KIF6: variants seen among roughly 807,000 people sequenced by gnomAD.
KIF6 encodes kinesin family member 6.
KIF6 carries 106 observed loss-of-function variants against 112.7 expected under a neutral mutation model. That is an observed-to-expected ratio of 0.94 (90% CI 0.80 to 1.11). The LOEUF (loss-of-function observed/expected upper bound fraction) is 1.11. Among genes scored for constraint, KIF6 ranks in the 50% least tolerant of loss-of-function variants. The pLI, the probability that KIF6 is intolerant of heterozygous loss-of-function variation, is 0.00. For synonymous variants in KIF6, 339 were observed against 339.9 expected, an observed-to-expected ratio of 1.00 and a Z score of 0.03; for missense variants, 929 against 964.0, an observed-to-expected ratio of 0.96 and a Z score of 0.48.
At chr6:39,536,115 A>G (rs1193097578) in intron 13 of KIF6, among the ~76,000 whole-genome samples, 1 of 151,432 alleles carries the variant, frequency 6.6e-6, no homozygotes, top group Non-Finnish European at 1.5e-5. Flanking sequence ...AAAGCAGGAA[A>G]GATCCAAAAT....
intron 3 of KIF6, among the ~76,000 whole-genome samples, chr6:39,647,657 G>A (rs975873189): frequency 7.2e-5 from 11 of 151,944 alleles, no homozygotes; most frequent in African/African-American, 2.7e-4. Context: ...TCAGATGGGT[G>A]AAGGATTATG....
chr6:39,394,299 C>T (rs944801549), intron 15 of KIF6, among the ~76,000 whole-genome samples: 1 of 152,212 alleles, frequency 6.6e-6, no homozygotes, highest in Non-Finnish European at 1.5e-5. Flanking sequence ...ACCCACTGCA[C>T]TTCCTTGATA....
rs376515913 is a variant in KIF6, at chr6:39,560,920, T to A, written c.1182-15232A>T. On this transcript the variant is annotated intron_variant, in intron 10 of 22. Transcript: ENST00000287152. ...TAAAATTTTGTGCTTTGTACTAACC[T>A]GAGCAGTAGCAAACAGGAGTAGAAA... Among the ~76,000 whole-genome samples the A allele has an allele frequency of 1.8e-4, 27 of 152,376 alleles. No homozygotes were observed. The South Asian group carries it at 5.6e-3, about 32-fold the overall frequency.
intron 15 of KIF6, among the ~76,000 whole-genome samples, chr6:39,399,336 A>C (rs1457785010): frequency 2.6e-5 from 4 of 152,144 alleles, no homozygotes; most frequent in African/African-American, 9.7e-5. Context: ...CTCACATGTG[A>C]ATGGAGACTT....
chr6:39,361,759 A>G (rs1000445612), intron 17 of KIF6, among the ~76,000 whole-genome samples: 20 of 144,440 alleles, frequency 1.4e-4, no homozygotes, highest in Admixed American at 5.8e-4. Flanking sequence ...TGGGGCTTTG[A>G]TCTCCTGGGT....
intron 5 of KIF6, among the ~76,000 whole-genome samples, chr6:39,619,865 A>G (rs1200239802): frequency 6.6e-6 from 1 of 152,200 alleles, no homozygotes; most frequent in African/African-American, 2.4e-5. Flanking sequence ...TTTCAAAATA[A>G]TACCCAAATA....
At chr6:39,640,366 TCTC>T (rs1385192981) in intron 3 of KIF6, among the ~76,000 whole-genome samples, 1 of 152,104 alleles carries the variant, frequency 6.6e-6, no homozygotes, top group Non-Finnish European at 1.5e-5. Context: ...GGCTGGATCT[TCTC>T]AGCCTTTGAA....
chr6:39,639,901 A>T, intron 3 of KIF6, 144 bp from the exon 4 acceptor site: 1 of 634,088 alleles, frequency 1.6e-6, no homozygotes, highest in Non-Finnish European at 2.6e-6. Context: ...ATATGTGAAT[A>T]TCTAGCTAGA....
At chr6:39,433,657 G>C (rs1404814432) in intron 13 of KIF6, among the ~76,000 whole-genome samples, 1 of 152,200 alleles carries the variant, frequency 6.6e-6, no homozygotes, top group Non-Finnish European at 1.5e-5. Context: ...CTTGTCAGCT[G>C]TTTTCCCAAA....
chr6:39,386,113 G>C (rs933323132), intron 15 of KIF6, among the ~76,000 whole-genome samples: 5 of 152,198 alleles, frequency 3.3e-5, no homozygotes, highest in African/African-American at 1.2e-4. Flanking sequence ...GGTTTTAACT[G>C]ACAATAACCC....
chr6:39,453,712 A>G (rs1772849107), intron 13 of KIF6, among the ~76,000 whole-genome samples: 1 of 152,266 alleles, frequency 6.6e-6, no homozygotes, highest in South Asian at 2.1e-4. Context: ...ATCAATAAAA[A>G]CCACAAAAAA....
At chr6:39,654,047 C>T (rs951600759) in intron 3 of KIF6, among the ~76,000 whole-genome samples, 1 of 151,998 alleles carries the variant, frequency 6.6e-6, no homozygotes, top group Non-Finnish European at 1.5e-5. Context: ...ACGTGGGGGC[C>T]TATGTAATGG....
intron 13 of KIF6, among the ~76,000 whole-genome samples, chr6:39,440,724 A>C (rs1313130041): frequency 6.6e-6 from 1 of 152,188 alleles, no homozygotes; most frequent in African/African-American, 2.4e-5. Context: ...AAGAGAGACA[A>C]GGCAGAGCTG....
At chr6:39,700,712 T>G (rs1245473057) in intron 3 of KIF6, among the ~76,000 whole-genome samples, 1 of 58,454 alleles carries the variant, frequency 1.7e-5, no homozygotes, top group Non-Finnish European at 4.0e-5. Flanking sequence ...GTATCCATAA[T>G]TTTAATTTTT....
intron 9 of KIF6, among the ~76,000 whole-genome samples, 170 bp from the exon 10 acceptor site, chr6:39,578,329 ATTTT>A (rs35778593): frequency 8.0e-6 from 1 of 125,180 alleles, no homozygotes; most frequent in Non-Finnish European, 1.6e-5. Context: ...ATAGTTCTAG[ATTTT>A]TTTTTTTTTT....
At chr6:39,656,761 A>G (rs1029436403) in intron 3 of KIF6, among the ~76,000 whole-genome samples, 1 of 151,970 alleles carries the variant, frequency 6.6e-6, no homozygotes, top group Non-Finnish European at 1.5e-5. Context: ...TGCATGGAGA[A>G]CTCCTATATT....
chr6:39,640,878 T>C (rs1784865136), intron 3 of KIF6, among the ~76,000 whole-genome samples: 1 of 152,116 alleles, frequency 6.6e-6, no homozygotes, highest in Non-Finnish European at 1.5e-5. Flanking sequence ...TCTGTTGCTG[T>C]GTAGGTAGAA....
At chr6:39,355,708 C>T (rs1441925289) in intron 19 of KIF6, among the ~76,000 whole-genome samples, 2 of 151,798 alleles carry the variant, frequency 1.3e-5, no homozygotes, top group Admixed American at 6.6e-5. Flanking sequence ...GTGATCCGCC[C>T]GTCTCAGCCT....
At chr6:39,451,304 T>G (rs1772685652) in intron 13 of KIF6, among the ~76,000 whole-genome samples, 1 of 152,104 alleles carries the variant, frequency 6.6e-6, no homozygotes, top group Admixed American at 6.5e-5. Context: ...TGACGAAAAG[T>G]AAGAGGATAG....
Sources: allele counts gnomAD v4.1 joint callset (sites outside exome capture counted in the v4.1 genomes callset), GRCh38; gene constraint gnomAD v4.1.1; transcripts MANE v1.5; gene names NCBI Gene and HGNC (gene_info 2026-07-23, HGNC 2026-07-21).